Variants in DOT1L observed in about 807,000 individuals in gnomAD.
The protein encoded by DOT1L is histone-lysine N-methyltransferase, H3 lysine-79 specific.
In DOT1L, 33 loss-of-function variants were observed where a neutral mutation model predicts 153.3. That is an observed-to-expected ratio of 0.22 (90% CI 0.16 to 0.29). The LOEUF is 0.29. Ranked by LOEUF, DOT1L falls within the 10% of genes least tolerant of loss-of-function variation. The pLI, the probability that DOT1L is intolerant of heterozygous loss-of-function variation, is 1.00. For missense variants in DOT1L, 1,847 were observed against 2,119.9 expected (o/e 0.87, Z 2.53); for synonymous variants, 1,135 against 965.1 (o/e 1.18, Z -3.26).
rs766020008 is a variant in DOT1L at position 2,216,352 on chromosome 19, TGAC to T, written c.2000_2002del (p.Asp667del). ...TGCAGCTCAAGTCCTGTGTGCCGCC[TGAC>T]GACGCCCTGTCCCTGCACCTGCGTG... On this transcript the variant is annotated inframe_deletion, in exon 20 of 28. Transcript: ENST00000398665. The T allele has an allele frequency of 1.7e-5, 27 of 1,608,992 alleles. No homozygotes were observed. Among genetic ancestry groups the T allele is most frequent in the Middle Eastern group, 1.6e-4 (1 of 6,066 alleles).
At position 2,225,470 on chromosome 19, in the gene DOT1L, T is replaced by G. The variant is rs767979150; in HGVS notation, c.3661+18T>G. The G allele has an allele frequency of 6.2e-7, 1 of 1,613,964 alleles. No homozygotes were observed. The highest frequency in any genetic ancestry group is 1.1e-5 in the South Asian group (1 of 91,076). On this transcript the variant is annotated intron_variant, in intron 26 of 27. Transcript: ENST00000398665. ...GGAAAATGGTGAGTAACAAGTGTTT[T>G]GCGGCGTGGCCAGGCCTGTCCGTGT... is the stretch of plus-strand genomic sequence containing the variant.
intron 8 of DOT1L, 110 bp downstream of exon 8, chr19:2,200,049 C>T: frequency 1.4e-6 from 2 of 1,407,846 alleles, no homozygotes; most frequent in South Asian, 1.3e-5. Flanking sequence ...CTGGCTGTGG[C>T]AGGAAAGAGG....
At chr19:2,213,715 G>C in intron 17 of DOT1L, 75 bp downstream of exon 17, 1 of 1,597,424 alleles carries the variant, frequency 6.3e-7, no homozygotes. Context: ...CGTCGGTATG[G>C]CTTCCTGTGG....
intron 27 of DOT1L, chr19:2,228,348 A>G (rs781625259): frequency 4.5e-6 from 6 of 1,321,038 alleles, no homozygotes; most frequent in Non-Finnish European, 6.0e-6. Context: ...GCCGCGATAA[A>G]GACCTTGCTT....
intron 3 of DOT1L, among the ~76,000 whole-genome samples, chr19:2,187,781 G>A (rs905767530): frequency 6.6e-5 from 10 of 152,152 alleles, no homozygotes; most frequent in Non-Finnish European, 2.9e-5. Flanking sequence ...AATTAGCCGG[G>A]CGTGGTGGCG....
rs1426565940 is a variant in DOT1L at position 2,222,321 on chromosome 19, C to A, written c.3152C>A (p.Thr1051Asn). ...AGGAGGATTGTGTTCACCATCACCACTGGTGCGGGCAGTGCCAAGCAGTCG... is the reference window on the plus strand; with the variant it reads ...AGGAGGATTGTGTTCACCATCACCAATGGTGCGGGCAGTGCCAAGCAGTCG... ...AKRRIVFTITTGAGSAKQSPS... is the reference protein window; with the variant it reads ...AKRRIVFTITNGAGSAKQSPS... The change falls in exon 24 of 28, where the codon ACT (threonine) becomes AAT (asparagine). Residue 1051 changes from threonine (T) to asparagine (N), a missense_variant. Coordinates refer to ENST00000398665, the MANE Select transcript of DOT1L (RefSeq NM_032482.3). This position sits in a 1 kb window ranked among gnomAD's most constrained non-coding sequence, Gnocchi z 6.5. 2 of 1,612,864 alleles carry A rather than the reference C, an allele frequency of 1.2e-6. No individual in the cohort carries two copies. Among genetic ancestry groups the A allele is most frequent in the Admixed American group, 1.7e-5 (1 of 60,002 alleles).
intron 1 of DOT1L, among the ~76,000 whole-genome samples, chr19:2,175,012 T>G (rs1286330393): frequency 1.3e-5 from 2 of 149,144 alleles, no homozygotes; most frequent in African/African-American, 2.5e-5. Flanking sequence ...ATATTTTTTT[T>G]TTTTTAGATG....
In DOT1L at chr19:2,232,227, G is replaced by A. The variant is rs1246574697; in HGVS notation, c.*2435G>A. ...GAATTGATAGGAACCCTAAAAACTA[G>A]GATACCCCCTCCTCGGCCCATGAGG... On this transcript the variant is annotated 3_prime_UTR_variant, in exon 28 of 28. Transcript: ENST00000398665. 4.5e-6 allele frequency: 1 copy of A among 220,158 alleles called. No homozygotes were observed. Among genetic ancestry groups the A allele is most frequent in the Non-Finnish European group, 9.1e-6 (1 of 110,092 alleles). The allele number at this position is 220,158 out of a possible 1,614,324, so 13.6% of individuals were successfully genotyped here.
chr19:2,167,429 G>T (rs2019965119), intron 1 of DOT1L, among the ~76,000 whole-genome samples: 1 of 152,236 alleles, frequency 6.6e-6, no homozygotes, highest in Admixed American at 6.5e-5. Flanking sequence ...CCTGGCCAGT[G>T]CTCCATTGTA....
rs2022767657 is a variant in DOT1L at position 2,190,939 on chromosome 19, T to TC, written c.265-70dup. On this transcript the variant is annotated intron_variant, in intron 4 of 27. Transcript: ENST00000398665. The surrounding 1 kb of genome is among the most constrained non-coding windows in gnomAD (Gnocchi z 4.8). ...GACTCCCTGCTTCCGCTGGGAAAGG[T>TC]CCCGGGTCTTGGTGGTGGAGGGGCT... 1 of 1,399,980 alleles carries TC rather than the reference T, an allele frequency of 7.1e-7. No homozygotes were observed. Among genetic ancestry groups the TC allele is most frequent in the Non-Finnish European group, 9.7e-7 (1 of 1,035,360 alleles). 86.7% of individuals were successfully genotyped at this position (1,399,980 alleles called of 1,614,324 possible).
At chr19:2,229,535 G>A (rs960635962) in intron 27 of DOT1L, 14 of 985,358 alleles carry the variant, frequency 1.4e-5, no homozygotes, top group Non-Finnish European at 1.4e-5. Context: ...AGCTGGACTC[G>A]GCTGTGTGTC....
Position 2,210,518 on chromosome 19 carries a change from C to G in DOT1L, c.1116+8C>G. ...CCCGCCGACGCCCCCATGGTAAGGC[C>G]CCAGCCTGGCTCCTGCTGCTGGAGG... On this transcript the variant is annotated splice_region_variant and intron_variant, in intron 13 of 27. Transcript: ENST00000398665. 1.3e-6 allele frequency: 2 copies of G among 1,593,288 alleles called. No individual in the cohort carries two copies. Among genetic ancestry groups the G allele is most frequent in the South Asian group, 1.1e-5 (1 of 89,834 alleles).
chr19:2,201,730 G>A (rs1203763417), intron 8 of DOT1L, among the ~76,000 whole-genome samples: 2 of 152,250 alleles, frequency 1.3e-5, no homozygotes, highest in African/African-American at 2.4e-5. Flanking sequence ...TTAAGAAGCC[G>A]AGAGATTTCT....
At chr19:2,165,928 C>G (rs745701274) in intron 1 of DOT1L, among the ~76,000 whole-genome samples, 59 of 152,064 alleles carry the variant, frequency 3.9e-4, no homozygotes, top group Non-Finnish European at 6.8e-4. Context: ...GCCACCACGC[C>G]CGGCTAATGT....
intron 22 of DOT1L, among the ~76,000 whole-genome samples, chr19:2,219,105 C>T (rs2024018560): frequency 6.6e-6 from 1 of 152,232 alleles, no homozygotes; most frequent in Non-Finnish European, 1.5e-5. Context: ...CTCCTGACCT[C>T]AGGTGATCTG....
At chr19:2,196,348 T>TGTGA (rs2023019588) in intron 7 of DOT1L, among the ~76,000 whole-genome samples, 1 of 152,200 alleles carries the variant, frequency 6.6e-6, no homozygotes, top group Admixed American at 6.5e-5. Context: ...TTTGTGCATG[T>TGTGA]GTGAAAGAAA....
At chr19:2,182,911 T>TC (rs2144706591) in intron 2 of DOT1L, among the ~76,000 whole-genome samples, 1 of 152,232 alleles carries the variant, frequency 6.6e-6, no homozygotes, top group South Asian at 2.1e-4. Context: ...AGCTTAAGCG[T>TC]TGTAGGGAGC....
In DOT1L at chr19:2,175,869, T is replaced by C. The variant is rs550206481; in HGVS notation, c.82-4844T>C. Among the ~76,000 whole-genome samples, 20 of 151,804 alleles carry C rather than the reference T, an allele frequency of 1.3e-4. No individual in the cohort carries two copies. The South Asian group carries it at 1.7e-3, about 13-fold the overall frequency. On this transcript the variant is annotated intron_variant, in intron 1 of 27. Coordinates refer to ENST00000398665, the MANE Select transcript of DOT1L (RefSeq NM_032482.3). ...AGCCTCGGCAACGAGCAAAACTCCG[T>C]CTCAAAAAAAGAAAGGAACTCCCAC... is the stretch of plus-strand genomic sequence containing the variant.
chr19:2,194,473 C>T, intron 6 of DOT1L, 42 bp from the exon 7 acceptor site: 1 of 1,612,962 alleles, frequency 6.2e-7, no homozygotes, highest in Non-Finnish European at 8.5e-7. Flanking sequence ...GCCTGGCTTG[C>T]CCTGAGAGTT....
Sources: gnomAD v4.1 joint callset for allele counts (sites outside exome capture counted in the v4.1 genomes callset) on GRCh38, gnomAD v4.1.1 for gene constraint, Gnocchi (gnomAD v3.1) non-coding constraint, MANE v1.5 for transcripts, NCBI Gene and HGNC (gene_info 2026-07-23, HGNC 2026-07-21) for gene names.